ARB2A: variants seen among roughly 807,000 people sequenced by gnomAD.
ARB2A encodes cotranscriptional regulator ARB2A.
the ARB2A span, among the ~76,000 whole-genome samples, chr5:93,649,793 A>G: frequency 1.3e-5 from 2 of 152,160 alleles, no homozygotes; most frequent in African/African-American, 4.8e-5. Context: ...TGAAACCCAT[A>G]AAGGCCATTC....
At chr5:94,066,221 T>TAAA in the ARB2A span, among the ~76,000 whole-genome samples, 4 of 151,522 alleles carry the variant, frequency 2.6e-5, no homozygotes, top group East Asian at 7.7e-4. Context: ...GATACAGCAA[T>TAAA]AAATGACTAC....
At chr5:93,769,842 T>C in the ARB2A span, among the ~76,000 whole-genome samples, 1 of 152,158 alleles carries the variant, frequency 6.6e-6, no homozygotes, top group African/African-American at 2.4e-5. Flanking sequence ...TATGTACAAT[T>C]TCCTTCTGAT....
the ARB2A span, among the ~76,000 whole-genome samples, chr5:93,866,891 C>T: frequency 1.3e-5 from 2 of 152,092 alleles, no homozygotes; most frequent in African/African-American, 2.4e-5. Flanking sequence ...CTGGTAGAAT[C>T]CTTCTATTAA....
chr5:93,698,917 G>A, the ARB2A span, among the ~76,000 whole-genome samples: 1 of 152,190 alleles, frequency 6.6e-6, no homozygotes, highest in Non-Finnish European at 1.5e-5. Context: ...CATGGGGGCA[G>A]AGAATAGAAG....
the ARB2A span, among the ~76,000 whole-genome samples, chr5:93,985,456 C>T: frequency 6.6e-6 from 1 of 152,000 alleles, no homozygotes; most frequent in Non-Finnish European, 1.5e-5. Flanking sequence ...CTCCCGCTTT[C>T]CACGGTCTCC....
chr5:94,078,136 C>T, the ARB2A span, among the ~76,000 whole-genome samples: 7 of 152,094 alleles, frequency 4.6e-5, no homozygotes, highest in East Asian at 1.9e-4. Context: ...GTATTAAATA[C>T]GAACTAGATA....
chr5:93,797,184 T>C, the ARB2A span, among the ~76,000 whole-genome samples: 1 of 152,148 alleles, frequency 6.6e-6, no homozygotes, highest in African/African-American at 2.4e-5. Flanking sequence ...CTGACAGCTC[T>C]GATGCATGAG....
the ARB2A span, among the ~76,000 whole-genome samples, chr5:93,800,776 T>C: frequency 1.3e-5 from 2 of 152,094 alleles, no homozygotes; most frequent in African/African-American, 4.8e-5. Context: ...TTGAAAATGT[T>C]TACTTAATTA....
At chr5:93,730,014 T>C in the ARB2A span, among the ~76,000 whole-genome samples, 3 of 152,176 alleles carry the variant, frequency 2.0e-5, no homozygotes, top group Admixed American at 2.0e-4. Context: ...AATGTTCACA[T>C]GGTGTATATA....
the ARB2A span, among the ~76,000 whole-genome samples, chr5:93,961,670 G>A: frequency 1.3e-5 from 2 of 151,850 alleles, no homozygotes; most frequent in African/African-American, 4.8e-5. Context: ...GCAACAGAGT[G>A]AGACTCTGTC....
chr5:93,872,801 C>T, the ARB2A span, among the ~76,000 whole-genome samples: 1 of 151,966 alleles, frequency 6.6e-6, no homozygotes, highest in Non-Finnish European at 1.5e-5. Flanking sequence ...CCTGTAGTCC[C>T]AGCTACCCAG....
At chr5:93,753,484 T>C in the ARB2A span, among the ~76,000 whole-genome samples, 1 of 152,310 alleles carries the variant, frequency 6.6e-6, no homozygotes, top group Non-Finnish European at 1.5e-5. Flanking sequence ...TTCCATTTCA[T>C]GTTCTGATGA....
the ARB2A span, among the ~76,000 whole-genome samples, chr5:93,664,672 A>G: frequency 1.3e-5 from 2 of 149,692 alleles, no homozygotes; most frequent in Non-Finnish European, 3.0e-5. Flanking sequence ...AATATGTCTT[A>G]TAATGTGACA....
At chr5:93,831,200 G>A in the ARB2A span, among the ~76,000 whole-genome samples, 3 of 151,352 alleles carry the variant, frequency 2.0e-5, no homozygotes, top group Non-Finnish European at 4.4e-5. Flanking sequence ...GTACCCATCT[G>A]TGACCCGGGG....
the ARB2A span, among the ~76,000 whole-genome samples, chr5:93,707,425 T>TA: frequency 2.0e-5 from 3 of 152,126 alleles, no homozygotes; most frequent in African/African-American, 4.8e-5. Context: ...ATGTTACACT[T>TA]AATTTTTAAT....
At chr5:94,104,670 A>G in the ARB2A span, among the ~76,000 whole-genome samples, 2 of 152,096 alleles carry the variant, frequency 1.3e-5, no homozygotes, top group Admixed American at 1.3e-4. Context: ...CATCATTCTG[A>G]TACCATAACT....
At chr5:94,035,206 C>CATATAA in the ARB2A span, among the ~76,000 whole-genome samples, 1 of 146,750 alleles carries the variant, frequency 6.8e-6, no homozygotes, top group Admixed American at 6.9e-5. Context: ...CATACATATA[C>CATATAA]ATATACATAT....
chr5:94,109,938 G>A, the ARB2A span, among the ~76,000 whole-genome samples: 1 of 140,358 alleles, frequency 7.1e-6, no homozygotes, highest in Non-Finnish European at 1.5e-5. Context: ...AGGCTGGAGT[G>A]CAGTGGCATG....
At chr5:93,941,192 G>A in the ARB2A span, among the ~76,000 whole-genome samples, 1 of 152,054 alleles carries the variant, frequency 6.6e-6, no homozygotes, top group Non-Finnish European at 1.5e-5. Context: ...TATAACTGCA[G>A]GAGGTGTTAC....
Sources: gnomAD v4.1 joint callset for allele counts (sites outside exome capture counted in the v4.1 genomes callset) on GRCh38, gnomAD v4.1.1 for gene constraint, MANE v1.5 for transcripts, NCBI Gene and HGNC (gene_info 2026-07-23, HGNC 2026-07-21) for gene names.